Variants in TSC22D1 observed in about 807,000 individuals in gnomAD.
TSC22D1 encodes TSC22 domain family protein 1.
In TSC22D1, 9 loss-of-function variants were observed where a neutral mutation model predicts 74.2. The observed-to-expected ratio is 0.12, with a 90% CI of 0.07 to 0.21. The LOEUF (loss-of-function observed/expected upper bound fraction) is 0.21. Ranked by LOEUF, TSC22D1 falls within the 10% of genes least tolerant of loss-of-function variation. TSC22D1 has a pLI of 1.00. For synonymous variants in TSC22D1, 586 were observed against 492.5 expected, an observed-to-expected ratio of 1.19 and a Z score of -2.51; for missense variants, 1,427 against 1,304.7, an observed-to-expected ratio of 1.09 and a Z score of -1.44.
At chr13:44,561,285 G>A (rs1476294560) in intron 1 of TSC22D1, among the ~76,000 whole-genome samples, 1 of 152,038 alleles carries the variant, frequency 6.6e-6, no homozygotes, top group African/African-American at 2.4e-5. Context: ...CTACCACTGA[G>A]GAAAAAGGAA....
chr13:44,517,960 A>G (rs530036983), intron 1 of TSC22D1, among the ~76,000 whole-genome samples: 3 of 143,958 alleles, frequency 2.1e-5, no homozygotes, highest in South Asian at 4.5e-4. Flanking sequence ...AGGCTCAAGC[A>G]ATCCTCTCAC....
intron 1 of TSC22D1, among the ~76,000 whole-genome samples, chr13:44,569,251 T>A (rs1459683214): frequency 6.6e-6 from 1 of 152,060 alleles, no homozygotes; most frequent in Non-Finnish European, 1.5e-5. Context: ...AACTAGTAAA[T>A]GACAAGAAAG....
rs761805888 is a variant in TSC22D1 at position 44,450,064 on chromosome 13, A to G, written c.2913-13969T>C. ...TGAGTGTATATAAAAAATGATGGTTAGCAGAAAGCAGCCTGGGAGTGTTTC... is the reference window on the plus strand; with the variant it reads ...TGAGTGTATATAAAAAATGATGGTTGGCAGAAAGCAGCCTGGGAGTGTTTC... On this transcript the variant is annotated intron_variant, in intron 1 of 2. Transcript: ENST00000458659. 8.8e-4 allele frequency among the ~76,000 whole-genome samples: 134 copies of G among 152,218 alleles called. 1 individual carries two copies. The highest frequency in any genetic ancestry group is 1.6e-3 in the Non-Finnish European group (109 of 68,040).
chr13:44,513,513 A>T (rs1163598896), intron 1 of TSC22D1, among the ~76,000 whole-genome samples: 2 of 152,230 alleles, frequency 1.3e-5, no homozygotes, highest in East Asian at 1.9e-4. Context: ...ATAGGTCTTC[A>T]TACTTGAAAA....
At chr13:44,553,066 A>G (rs1477453745) in intron 1 of TSC22D1, among the ~76,000 whole-genome samples, 1 of 152,220 alleles carries the variant, frequency 6.6e-6, no homozygotes, top group Non-Finnish European at 1.5e-5. Context: ...TAATAAATGT[A>G]GAGATGGGCT....
intron 2 of TSC22D1, 64 bp downstream of exon 2, chr13:44,435,980 A>G (rs1874576965): frequency 2.0e-6 from 3 of 1,510,722 alleles, no homozygotes; most frequent in Non-Finnish European, 2.7e-6. Context: ...CACTGGTTCC[A>G]CAAAACATCT....
intron 1 of TSC22D1, among the ~76,000 whole-genome samples, chr13:44,443,342 GC>G (rs1232089015): frequency 6.6e-6 from 1 of 151,684 alleles, no homozygotes; most frequent in African/African-American, 2.4e-5. Flanking sequence ...GTAATTCTAT[GC>G]CCAGTGAAAA....
intron 1 of TSC22D1, among the ~76,000 whole-genome samples, chr13:44,447,226 C>G (rs1322725661): frequency 1.3e-5 from 2 of 152,040 alleles, no homozygotes; most frequent in South Asian, 4.2e-4. Flanking sequence ...TCAGGCAGTC[C>G]TCCCACCTTA....
intron 1 of TSC22D1, among the ~76,000 whole-genome samples, chr13:44,565,812 C>A (rs1883337342): frequency 6.6e-6 from 1 of 152,068 alleles, no homozygotes; most frequent in African/African-American, 2.4e-5. Context: ...CCTATCTTGG[C>A]CTCCCAAAGT....
chr13:44,442,400 T>C (rs1014142816), intron 1 of TSC22D1, among the ~76,000 whole-genome samples: 2 of 152,178 alleles, frequency 1.3e-5, no homozygotes, highest in East Asian at 3.8e-4. Context: ...TATAACTATA[T>C]TTCATATGTT....
intron 1 of TSC22D1, among the ~76,000 whole-genome samples, chr13:44,555,161 T>G (rs1423219984): frequency 6.6e-6 from 1 of 152,076 alleles, no homozygotes; most frequent in African/African-American, 2.4e-5. Context: ...GCCTGTCCAT[T>G]TTATAAAAGG....
At position 44,575,566 on chromosome 13, in the gene TSC22D1, C is replaced by T. The variant is rs1426529007; in HGVS notation, c.509G>A (p.Arg170His). The change falls in exon 1 of 3, where the codon CGC becomes CAC. Residue 170 changes from arginine to histidine, a missense_variant. Physicochemically the swap from Arg to His is conservative, Grantham distance 29. Transcript: ENST00000458659. Reference sequence around the variant, plus strand: ...ATTTAGGGTCTCTTCTGAGGAGCTGCGTTCGGGCTCCCCTAAGTCAGTAGC... The same window carrying T: ...ATTTAGGGTCTCTTCTGAGGAGCTGTGTTCGGGCTCCCCTAAGTCAGTAGC... The part of the protein sequence containing the change: ...SRATDLGEPE[R>H]SSSEETLNNF... 1 of 1,614,046 alleles carries T rather than the reference C, an allele frequency of 6.2e-7. No individual in the cohort carries two copies. The highest frequency in any genetic ancestry group is 8.5e-7 in the Non-Finnish European group (1 of 1,180,020).
chr13:44,463,983 G>A (rs1877131858), intron 1 of TSC22D1, among the ~76,000 whole-genome samples: 1 of 152,170 alleles, frequency 6.6e-6, no homozygotes, highest in Non-Finnish European at 1.5e-5. Context: ...TGAGTGAGCT[G>A]TCTTAGGATG....
At position 44,574,182 on chromosome 13, in the gene TSC22D1, T is replaced by C. The variant is rs1884010955; in HGVS notation, c.1893A>G (p.Gln631=). Reference sequence around the variant, plus strand: ...TCTGTGTAGAAACCATTGGTTGCTGTTGTCCATACTGTAACTGTTGGGGTG... The same window carrying C: ...TCTGTGTAGAAACCATTGGTTGCTGCTGTCCATACTGTAACTGTTGGGGTG... ...APPPQQLQYG[Q]QQPMVSTQMA... Residue 631 remains glutamine, a synonymous_variant, in exon 1 of 3, where the codon CAA becomes CAG. Coordinates refer to ENST00000458659, the MANE Select transcript of TSC22D1 (RefSeq NM_183422.4). 1.2e-6 allele frequency: 2 copies of C among 1,614,158 alleles called. No homozygotes were observed. Among genetic ancestry groups the C allele is most frequent in the South Asian group, 1.1e-5 (1 of 91,096 alleles).
At position 44,573,790 on chromosome 13, in the gene TSC22D1, G is replaced by A. The variant is rs146542445; in HGVS notation, c.2285C>T (p.Ser762Leu). Reference protein sequence around the residue: ...SVIQQGAPPSSQVVPPAQTGI... With the variant: ...SVIQQGAPPSLQVVPPAQTGI... ...AGTTTGAGCAGGTGGAACCACTTGC[G>A]AAGATGGAGGAGCACCCTGCTGAAT... Residue 762 changes from serine (S) to leucine (L), a missense_variant, in exon 1 of 3, where the codon TCG becomes TTG. Physicochemically the swap from Ser to Leu is moderately radical, Grantham distance 145 (BLOSUM62 -2). This residue lies in a region of TSC22D1 where 1,343 missense variants were observed against 1,191.5 expected (regional missense o/e 1.13). Transcript: ENST00000458659. The A allele has an allele frequency of 4.9e-4, 786 of 1,614,242 alleles. 6 individuals carry two copies. The Middle Eastern group carries it at 0.013, about 26-fold the overall frequency.
chr13:44,538,557 G>C (rs1881285955), intron 1 of TSC22D1: 1 of 985,234 alleles, frequency 1.0e-6, no homozygotes, highest in Non-Finnish European at 1.2e-6. Flanking sequence ...TTAAAAGAAA[G>C]GAGTCTCTCA....
At chr13:44,437,352 G>T in intron 1 of TSC22D1, 1 of 669,104 alleles carries the variant, frequency 1.5e-6, no homozygotes, top group Non-Finnish European at 1.8e-6. Flanking sequence ...GGTACTGGGA[G>T]GATTTTATAG....
At chr13:44,545,931 C>G (rs918756983) in intron 1 of TSC22D1, among the ~76,000 whole-genome samples, 1 of 151,586 alleles carries the variant, frequency 6.6e-6, no homozygotes, top group African/African-American at 2.4e-5. Context: ...GAGCCAAGAT[C>G]GCGCCACTGC....
At chr13:44,456,620 T>G (rs931033046) in intron 1 of TSC22D1, among the ~76,000 whole-genome samples, 2 of 152,046 alleles carry the variant, frequency 1.3e-5, no homozygotes, top group Non-Finnish European at 2.9e-5. Flanking sequence ...TAGCCAACAC[T>G]CAGTCAAAAG....
Sources: allele counts gnomAD v4.1 joint callset (sites outside exome capture counted in the v4.1 genomes callset), GRCh38; gene constraint gnomAD v4.1.1; regional missense constraint gnomAD v4.1.1; transcripts MANE v1.5; gene names NCBI Gene and HGNC (gene_info 2026-07-23, HGNC 2026-07-21).